The following MYLIP variants were observed in gnomAD, a reference collection of about 807,000 sequenced individuals.
The protein encoded by MYLIP is E3 ubiquitin-protein ligase MYLIP.
A neutral mutation model predicts 45.8 loss-of-function variants in MYLIP; 26 were observed. The ratio of observed to expected loss-of-function variants is 0.57; its 90% CI spans 0.42 to 0.79. The LOEUF (loss-of-function observed/expected upper bound fraction) is 0.79, where lower values mean the gene tolerates loss of function less well. Among genes scored for constraint, MYLIP ranks in the 30% least tolerant of loss-of-function variants. MYLIP has a pLI of 0.00. For synonymous variants in MYLIP, 213 were observed against 218.1 expected (o/e 0.98, Z 0.21); for missense variants, 494 against 555.6 (o/e 0.89, Z 1.11).
In MYLIP at chr6:16,144,919, G is replaced by T; in HGVS notation, c.850G>T (p.Val284Leu). ...FYRCDTVTSA[V>L]MMQYSRDLKG... Reference sequence around the variant, plus strand: ...CAGGTGTGACACAGTGACCAGCGCCGTGATGATGCAGTATAGCCGTGACTT... The same window carrying T: ...CAGGTGTGACACAGTGACCAGCGCCTTGATGATGCAGTATAGCCGTGACTT... Residue 284 changes from valine to leucine, a missense_variant, in exon 6 of 7, where the codon GTG (valine) becomes TTG (leucine). Physicochemically the swap from Val to Leu is conservative, Grantham distance 32. Coordinates refer to ENST00000356840, the MANE Select transcript of MYLIP (RefSeq NM_013262.4). 1 of 1,613,788 alleles carries T rather than the reference G, an allele frequency of 6.2e-7. No individual in the cohort carries two copies. The highest frequency in any genetic ancestry group is 8.5e-7 in the Non-Finnish European group (1 of 1,179,730).
rs956501626 is a variant in MYLIP at position 16,148,223 on chromosome 6, C to T, written c.*1472C>T. ...CCTAGAGGACTCTGTCTTTTATATT[C>T]GGGATAATAAAGACTTTAAAGCAAA... On this transcript the variant is annotated 3_prime_UTR_variant, in exon 7 of 7. Transcript: ENST00000356840. The T allele has an allele frequency of 2.6e-5, 4 of 152,376 alleles. No individual in the cohort carries two copies. The highest frequency in any genetic ancestry group is 7.3e-5 in the African/African-American group (3 of 41,366). 9.4% of individuals were successfully genotyped at this position (152,376 alleles called of 1,614,324 possible). A position where few individuals can be genotyped will look rare whatever the true frequency, so the allele number is the denominator to read the frequency against.
chr6:16,130,927 A>G (rs994885824), intron 2 of MYLIP, among the ~76,000 whole-genome samples, 180 bp downstream of exon 2: 1 of 150,406 alleles, frequency 6.6e-6, no homozygotes, highest in Non-Finnish European at 1.5e-5. Flanking sequence ...ACTTGGTCTG[A>G]GTGCATTTTC....
At chr6:16,162,801 A>AAAAAAAAAAAAAAAC in the MYLIP span, among the ~76,000 whole-genome samples, 1 of 151,040 alleles carries the variant, frequency 6.6e-6, no homozygotes, top group Non-Finnish European at 1.5e-5. Context: ...AAAAAAAAAA[A>AAAAAAAAAAAAAAAC]AAAAGAAATT....
chr6:16,138,960 C>T (rs1759610279), intron 2 of MYLIP, among the ~76,000 whole-genome samples: 1 of 152,204 alleles, frequency 6.6e-6, no homozygotes, highest in African/African-American at 2.4e-5. Flanking sequence ...GGCTGCCTGC[C>T]ACCTGTTTAC....
At chr6:16,144,594 G>A (rs2113563897) in intron 5 of MYLIP, among the ~76,000 whole-genome samples, 1 of 152,282 alleles carries the variant, frequency 6.6e-6, no homozygotes, top group East Asian at 1.9e-4. Context: ...AAGACTTCAG[G>A]CAGATGCCCT....
chr6:16,162,249 G>A, the MYLIP span, among the ~76,000 whole-genome samples: 12 of 152,122 alleles, frequency 7.9e-5, no homozygotes, highest in South Asian at 2.1e-4. Flanking sequence ...TAATAAATTC[G>A]TACTGTTTTA....
At chr6:16,130,199 C>T (rs190406551) in intron 1 of MYLIP, among the ~76,000 whole-genome samples, 2 of 152,264 alleles carry the variant, frequency 1.3e-5, no homozygotes, top group East Asian at 3.9e-4. Context: ...GATAATAAGT[C>T]GCCAAAAATC....
At chr6:16,143,292 A>C in intron 4 of MYLIP, 75 bp downstream of exon 4, 2 of 1,438,600 alleles carry the variant, frequency 1.4e-6, no homozygotes, top group Non-Finnish European at 1.9e-6. Context: ...AGAAAATAGG[A>C]AGGGATTTAC....
At chr6:16,158,792 C>A in the MYLIP span, among the ~76,000 whole-genome samples, 2 of 152,132 alleles carry the variant, frequency 1.3e-5, no homozygotes, top group East Asian at 3.8e-4. Context: ...GTGGCGTGAA[C>A]CCGGGAGGCG....
At chr6:16,161,574 C>T in the MYLIP span, among the ~76,000 whole-genome samples, 18 of 152,304 alleles carry the variant, frequency 1.2e-4, no homozygotes, top group African/African-American at 3.8e-4. Context: ...GTTTTTAATC[C>T]TCAGGCTGTT....
At chr6:16,160,529 C>T in the MYLIP span, among the ~76,000 whole-genome samples, 1 of 152,106 alleles carries the variant, frequency 6.6e-6, no homozygotes, top group African/African-American at 2.4e-5. Flanking sequence ...GGGCCGGGTG[C>T]GATGGCTCAC....
chr6:16,158,585 T>G, the MYLIP span, among the ~76,000 whole-genome samples: 7 of 152,224 alleles, frequency 4.6e-5, no homozygotes, highest in Non-Finnish European at 1.0e-4. Context: ...CCATCAGGAT[T>G]CTAGGTCAGC....
chr6:16,135,748 C>CATATATAT (rs765116596), intron 2 of MYLIP, among the ~76,000 whole-genome samples: 1,627 of 112,964 alleles, frequency 0.014, 29 homozygotes, highest in South Asian at 0.036. Context: ...TGTGTGTATA[C>CATATATAT]ATATATCTAT....
the MYLIP span, among the ~76,000 whole-genome samples, chr6:16,157,809 C>T: frequency 6.6e-6 from 1 of 152,250 alleles, no homozygotes. Context: ...GGTTAACGGG[C>T]AGCCCTAATT....
the MYLIP span, among the ~76,000 whole-genome samples, chr6:16,153,763 C>G: frequency 1.3e-5 from 2 of 152,120 alleles, no homozygotes; most frequent in South Asian, 2.1e-4. Context: ...AAAGGTCATC[C>G]CTACATATGA....
At chr6:16,161,190 G>T in the MYLIP span, 1 of 241,468 alleles carries the variant, frequency 4.1e-6, no homozygotes, top group Non-Finnish European at 8.3e-6. Flanking sequence ...TCGTAGGAGT[G>T]ACTAGAGCCT....
Position 16,144,894 on chromosome 6 carries a change from C to T in MYLIP, c.828-3C>T. 1.9e-6 allele frequency: 3 copies of T among 1,606,356 alleles called. No homozygotes were observed. Among genetic ancestry groups the T allele is most frequent in the South Asian group, 1.1e-5 (1 of 90,436 alleles). ...AAAGTAGATGTTCAATCTTGCCTTG[C>T]AGGTGTGACACAGTGACCAGCGCCG... On this transcript the variant is annotated splice_polypyrimidine_tract_variant and splice_region_variant and intron_variant, in intron 5 of 6. Coordinates refer to ENST00000356840, the MANE Select transcript of MYLIP (RefSeq NM_013262.4).
At chr6:16,135,260 C>G (rs189966687) in intron 2 of MYLIP, among the ~76,000 whole-genome samples, 1 of 152,298 alleles carries the variant, frequency 6.6e-6, no homozygotes, top group Admixed American at 6.5e-5. Flanking sequence ...GATTTCAGGG[C>G]TGCCTAGATT....
At chr6:16,156,301 C>G in the MYLIP span, among the ~76,000 whole-genome samples, 2 of 152,204 alleles carry the variant, frequency 1.3e-5, no homozygotes, top group Non-Finnish European at 2.9e-5. Context: ...GAGCCCTCAC[C>G]AGGGACCCGA....
Sources: allele counts gnomAD v4.1 joint callset (sites outside exome capture counted in the v4.1 genomes callset), GRCh38; gene constraint gnomAD v4.1.1; transcripts MANE v1.5; gene names NCBI Gene and HGNC (gene_info 2026-07-23, HGNC 2026-07-21).